Variants in RBFOX1 observed in about 807,000 individuals in gnomAD.
The protein encoded by RBFOX1 is RNA binding fox-1 homolog 1.
Under a neutral mutation model 57.7 loss-of-function variants are expected in RBFOX1, and 8 were observed. That is an observed-to-expected ratio of 0.14 (90% CI 0.08 to 0.25). The LOEUF is 0.25. Among genes scored for constraint, RBFOX1 ranks in the 10% least tolerant of loss-of-function variants. The pLI, the probability that RBFOX1 is intolerant of heterozygous loss-of-function variation, is 1.00. For missense variants in RBFOX1, 611 were observed against 548.5 expected (o/e 1.11, Z -1.14); for synonymous variants, 326 against 222.4 (o/e 1.47, Z -4.15).
At chr16:7,174,690 G>T (rs984165199) in intron 4 of RBFOX1, among the ~76,000 whole-genome samples, 1 of 152,204 alleles carries the variant, frequency 6.6e-6, no homozygotes, top group African/African-American at 2.4e-5. Flanking sequence ...TGAGGCAGGA[G>T]AATCACTTGA....
At chr16:6,642,853 C>T (rs186421484) in intron 2 of RBFOX1, among the ~76,000 whole-genome samples, 63 of 152,236 alleles carry the variant, frequency 4.1e-4, no homozygotes, top group Admixed American at 1.1e-3. Context: ...AGCAGCTCTG[C>T]CCTGCAACCT....
intron 10 of RBFOX1, among the ~76,000 whole-genome samples, chr16:7,610,111 C>A (rs796553154): frequency 2.3e-5 from 2 of 87,764 alleles, no homozygotes; most frequent in African/African-American, 1.1e-4. Context: ...CCACTGCGCC[C>A]GGCCCCCTTT....
Position 7,711,692 on chromosome 16 carries a change from AGTT to A in RBFOX1, c.*951_*953del, listed in dbSNP as rs1396593524. The A allele has an allele frequency of 6.6e-6, 1 of 152,618 alleles. No homozygotes were observed. The highest frequency in any genetic ancestry group is 6.5e-5 in the Admixed American group (1 of 15,286). The allele number at this position is 152,618 out of a possible 1,614,324, so 9.5% of individuals were successfully genotyped here. A position where few individuals can be genotyped will look rare whatever the true frequency, so the allele number is the denominator to read the frequency against. On this transcript the variant is annotated 3_prime_UTR_variant, in exon 16 of 16. Transcript: ENST00000550418. Reference sequence around the variant, plus strand: ...TATAAAATTTACATCTGTGCAGTGGAGTTGTTAAGTTCTAGAAACAGTCTATGA... The same window carrying A: ...TATAAAATTTACATCTGTGCAGTGGAGTTAAGTTCTAGAAACAGTCTATGA...
intron 3 of RBFOX1, among the ~76,000 whole-genome samples, chr16:5,811,430 A>T (rs2055427479): frequency 6.7e-6 from 1 of 150,054 alleles, no homozygotes; most frequent in South Asian, 2.1e-4. Context: ...GGTGTGAGCC[A>T]ATGCACCCAG....
chr16:5,457,057 G>A (rs1404017190), intron 1 of RBFOX1, among the ~76,000 whole-genome samples: 1 of 152,164 alleles, frequency 6.6e-6, no homozygotes, highest in Admixed American at 6.5e-5. Flanking sequence ...TTGGTTCCAG[G>A]GGAGGACTCG....
intron 1 of RBFOX1, among the ~76,000 whole-genome samples, chr16:5,375,400 A>G (rs377040971): frequency 2.6e-5 from 4 of 152,114 alleles, no homozygotes; most frequent in African/African-American, 7.2e-5. Flanking sequence ...CTGAATCTCC[A>G]GGGCTTGTGG....
rs574120256 is a variant in RBFOX1, at chr16:6,673,310, A to C, written c.-16+18660A>C. ...AGTCATTCAAAAATGTATTGAGGCC[A>C]GGCGTGGTGGCTCATGCCTGTAATC... On this transcript the variant is annotated intron_variant, in intron 3 of 15. Transcript: ENST00000550418. Among the ~76,000 whole-genome samples, 7 of 152,270 alleles carry C rather than the reference A, an allele frequency of 4.6e-5. No individual in the cohort carries two copies. The East Asian group carries it at 1.2e-3, about 25-fold the overall frequency.
At chr16:6,406,057 C>A (rs968929414) in intron 2 of RBFOX1, among the ~76,000 whole-genome samples, 1 of 152,174 alleles carries the variant, frequency 6.6e-6, no homozygotes, top group Admixed American at 6.6e-5. Context: ...CAATGTCTCA[C>A]ATATGTCCTG....
chr16:5,997,154 C>G (rs1484539526), intron 4 of RBFOX1, among the ~76,000 whole-genome samples: 1 of 151,970 alleles, frequency 6.6e-6, no homozygotes, highest in African/African-American at 2.4e-5. Context: ...CCAGGAAGCA[C>G]CTCCGTCTCT....
At chr16:5,621,793 C>G (rs780095911) in intron 3 of RBFOX1, among the ~76,000 whole-genome samples, 1 of 152,126 alleles carries the variant, frequency 6.6e-6, no homozygotes, top group South Asian at 2.1e-4. Flanking sequence ...CATGTGGGTA[C>G]TGTATTTGGA....
chr16:6,954,011 A>C (rs573247878), intron 3 of RBFOX1, among the ~76,000 whole-genome samples: 1 of 152,328 alleles, frequency 6.6e-6, no homozygotes, highest in South Asian at 2.1e-4. Context: ...ATGTCAAGAC[A>C]AGGTATTGAG....
intron 1 of RBFOX1, among the ~76,000 whole-genome samples, chr16:5,382,073 C>T (rs552818720): frequency 6.6e-6 from 1 of 152,196 alleles, no homozygotes; most frequent in Admixed American, 6.5e-5. Context: ...AACAAAATCA[C>T]CCCCCTGGTT....
chr16:6,505,515 C>T (rs1029811454), intron 2 of RBFOX1, among the ~76,000 whole-genome samples: 2 of 152,164 alleles, frequency 1.3e-5, no homozygotes, highest in African/African-American at 4.8e-5. Context: ...AGTTTTTAGA[C>T]ACACGTTTAC....
intron 1 of RBFOX1, among the ~76,000 whole-genome samples, chr16:6,079,661 C>A (rs553228302): frequency 6.6e-6 from 1 of 151,920 alleles, no homozygotes; most frequent in Admixed American, 6.6e-5. Flanking sequence ...ACAGGGAGAC[C>A]CCGTTTCTAC....
chr16:5,575,884 T>C (rs1254331349), intron 2 of RBFOX1, among the ~76,000 whole-genome samples: 1 of 151,936 alleles, frequency 6.6e-6, no homozygotes, highest in South Asian at 2.1e-4. Context: ...TGGCATGATA[T>C]GAAGTTTGCA....
rs371329632 is a variant in RBFOX1 at position 6,868,998 on chromosome 16, G to C, written c.-15-183059G>C. On this transcript the variant is annotated intron_variant, in intron 3 of 15. Coordinates refer to ENST00000550418, the MANE Select transcript of RBFOX1 (RefSeq NM_018723.4). ...ACCGTCTGTCAGCTCATGTCCCTGAGTGACTACAAAAAACAAAAGTTCCAG... is the reference window on the plus strand; with the variant it reads ...ACCGTCTGTCAGCTCATGTCCCTGACTGACTACAAAAAACAAAAGTTCCAG... Among the ~76,000 whole-genome samples the C allele has an allele frequency of 4.5e-4, 69 of 152,266 alleles. 1 individual carries two copies. In the South Asian group the frequency reaches 0.014, roughly 31 times the overall value.
intron 3 of RBFOX1, among the ~76,000 whole-genome samples, chr16:5,696,222 A>G (rs969749855): frequency 1.3e-5 from 2 of 152,138 alleles, no homozygotes; most frequent in African/African-American, 4.8e-5. Context: ...ACCTTCTCCC[A>G]TTTTCATTGT....
At chr16:7,047,030 G>A (rs1362851836) in intron 3 of RBFOX1, among the ~76,000 whole-genome samples, 1 of 146,450 alleles carries the variant, frequency 6.8e-6, no homozygotes, top group Admixed American at 6.9e-5. Flanking sequence ...AGTATAGAAA[G>A]CTCTTCATGC....
chr16:5,499,682 C>A (rs975242225), intron 2 of RBFOX1, among the ~76,000 whole-genome samples: 4 of 151,926 alleles, frequency 2.6e-5, no homozygotes, highest in Non-Finnish European at 4.4e-5. Flanking sequence ...AAGCCATTCT[C>A]CTGTCTTAGT....
Sources: allele counts gnomAD v4.1 joint callset (sites outside exome capture counted in the v4.1 genomes callset), GRCh38; gene constraint gnomAD v4.1.1; transcripts MANE v1.5; gene names NCBI Gene and HGNC (gene_info 2026-07-23, HGNC 2026-07-21).